SERPINC1: variants seen among roughly 807,000 people sequenced by gnomAD.
SERPINC1 encodes antithrombin-III.
SERPINC1 carries 12 observed loss-of-function variants against 43.4 expected under a neutral mutation model. The observed-to-expected ratio is 0.28, with a 90% CI of 0.18 to 0.45. The LOEUF is 0.45. SERPINC1 is among the 20% of genes least tolerant of loss of function. The pLI, the probability that SERPINC1 is intolerant of heterozygous loss-of-function variation, is 1.00. For missense variants in SERPINC1, 423 were observed against 578.8 expected (o/e 0.73, Z 2.76); for synonymous variants, 210 against 218.9 (o/e 0.96, Z 0.36).
At chr1:173,906,048 G>A (rs542383169) in intron 6 of SERPINC1, among the ~76,000 whole-genome samples, 2 of 152,002 alleles carry the variant, frequency 1.3e-5, no homozygotes, top group Admixed American at 6.6e-5. Context: ...CATTCTTTTC[G>A]ATTTCTTTGA....
Position 173,903,865 on chromosome 1 carries a change from A to G in SERPINC1, c.*24T>C. 1.2e-6 allele frequency: 2 copies of G among 1,607,642 alleles called. No individual in the cohort carries two copies. The highest frequency in any genetic ancestry group is 1.7e-6 in the Non-Finnish European group (2 of 1,174,168). On this transcript the variant is annotated 3_prime_UTR_variant, in exon 7 of 7. Transcript: ENST00000367698. ...TTCTGTTCACAAACCAAAAATAGGA[A>G]GAGGTGCAAAGAATAAGAACATTTT...
intron 3 of SERPINC1, 91 bp from the exon 4 acceptor site, chr1:173,910,982 C>G: frequency 7.0e-7 from 1 of 1,430,318 alleles, no homozygotes; most frequent in South Asian, 1.1e-5. Flanking sequence ...CTCACCATCC[C>G]TCTGTCCTTT....
intron 6 of SERPINC1, among the ~76,000 whole-genome samples, chr1:173,906,468 T>C (rs1230660608): frequency 6.6e-6 from 1 of 152,152 alleles, no homozygotes; most frequent in Non-Finnish European, 1.5e-5. Flanking sequence ...ACCTTTTCGT[T>C]TCCTCCAGTG....
At chr1:173,908,417 G>A (rs1269971722) in intron 5 of SERPINC1, among the ~76,000 whole-genome samples, 2 of 150,748 alleles carry the variant, frequency 1.3e-5, no homozygotes, top group African/African-American at 2.4e-5. Context: ...TTGAATCTGG[G>A]GGGTGGAGGT....
At chr1:173,917,121 C>A in intron 1 of SERPINC1, 98 bp downstream of exon 1, 2 of 1,006,852 alleles carry the variant, frequency 2.0e-6, no homozygotes, top group Admixed American at 3.7e-5. Flanking sequence ...AGGGAGAGGG[C>A]CTGGTCTTCT....
intron 4 of SERPINC1, among the ~76,000 whole-genome samples, chr1:173,910,394 C>T (rs764814397): frequency 3.9e-5 from 6 of 151,996 alleles, no homozygotes; most frequent in Non-Finnish European, 7.4e-5. Flanking sequence ...CTGGCTAACA[C>T]GGTGAAACCC....
At chr1:173,913,424 G>A (rs1052469534) in intron 2 of SERPINC1, among the ~76,000 whole-genome samples, 5 of 152,194 alleles carry the variant, frequency 3.3e-5, no homozygotes, top group African/African-American at 1.2e-4. Flanking sequence ...CCCAGAGCCA[G>A]AAAACACTCT....
Position 173,903,867 on chromosome 1 carries a change from A to G in SERPINC1, c.*22T>C. The G allele has an allele frequency of 1.2e-6, 2 of 1,608,108 alleles. No homozygotes were observed. Among genetic ancestry groups the G allele is most frequent in the Non-Finnish European group, 1.7e-6 (2 of 1,174,614 alleles). On this transcript the variant is annotated 3_prime_UTR_variant, in exon 7 of 7. Transcript: ENST00000367698. ...CTGTTCACAAACCAAAAATAGGAAG[A>G]GGTGCAAAGAATAAGAACATTTTAC...
chr1:173,906,263 T>G (rs2227612), intron 6 of SERPINC1, among the ~76,000 whole-genome samples: 17,199 of 152,264 alleles, frequency 0.11, 1,093 homozygotes, highest in East Asian at 0.24. Flanking sequence ...GTCCATAGTT[T>G]AGTGTTTACT....
Position 173,909,592 on chromosome 1 carries a change from G to T in SERPINC1, c.1113C>A (p.Gly371=), listed in dbSNP as rs1479495380. 9.9e-6 allele frequency: 16 copies of T among 1,613,906 alleles called. No homozygotes were observed. The highest frequency in any genetic ancestry group is 1.3e-5 in the African/African-American group (1 of 74,926). Residue 371 remains glycine, a synonymous_variant, in exon 5 of 7, where the codon GGC becomes GGA. Coordinates refer to ENST00000367698, the MANE Select transcript of SERPINC1 (RefSeq NM_000488.4). ...FSLKEQLQDM[G]LVDLFSPEKS... is the part of the protein sequence containing the mutation. ...TTTCAGGGCTGAACAGATCGACAAG[G>T]CCCATGTCTTGCAGCTGCTCCTTCA...
In SERPINC1 at chr1:173,916,477, C is replaced by T. The variant is rs1028811034; in HGVS notation, c.41+742G>A. ...GAGGTGCAAAGCCGGAGAGAAGCAG[C>T]GGCACCAAGGGAGATGTGGAAGGCA... is the stretch of plus-strand genomic sequence containing the variant. On this transcript the variant is annotated intron_variant, in intron 1 of 6. Coordinates refer to ENST00000367698, the MANE Select transcript of SERPINC1 (RefSeq NM_000488.4). Among the ~76,000 whole-genome samples, 7 of 152,310 alleles carry T rather than the reference C, an allele frequency of 4.6e-5. No homozygotes were observed. The South Asian group carries it at 1.0e-3, about 23-fold the overall frequency.
At chr1:173,915,114 G>A (rs2102790626) in intron 1 of SERPINC1, 195 bp from the exon 2 acceptor site, 1 of 1,446,540 alleles carries the variant, frequency 6.9e-7, no homozygotes, top group African/African-American at 1.4e-5. Context: ...CAGTTCAGTT[G>A]CCTGGACGTG....
At chr1:173,913,854 CAAAA>C (rs71707849) in intron 2 of SERPINC1, among the ~76,000 whole-genome samples, 1 of 90,266 alleles carries the variant, frequency 1.1e-5, no homozygotes. Flanking sequence ...GACTCCGTCT[CAAAA>C]AAAAAAAAAA....
At chr1:173,912,369 T>C (rs890505261) in intron 2 of SERPINC1, among the ~76,000 whole-genome samples, 1 of 152,096 alleles carries the variant, frequency 6.6e-6, no homozygotes, top group African/African-American at 2.4e-5. Flanking sequence ...AACAAACACT[T>C]TTGTGGCATC....
At chr1:173,914,504 C>T (rs1657903715) in intron 2 of SERPINC1, 49 bp downstream of exon 2, 1 of 1,612,238 alleles carries the variant, frequency 6.2e-7, no homozygotes, top group Non-Finnish European at 8.5e-7. Context: ...TATGGAAGCC[C>T]CAAAGGTGCT....
At chr1:173,914,026 C>T (rs529615516) in intron 2 of SERPINC1, among the ~76,000 whole-genome samples, 4 of 150,914 alleles carry the variant, frequency 2.7e-5, no homozygotes, top group East Asian at 3.9e-4. Context: ...TGGAGTGAGC[C>T]GAGACTGCAC....
Position 173,910,847 on chromosome 1 carries a change from G to T in SERPINC1, c.669C>A (p.Ser223=), listed in dbSNP as rs749583360. 11 of 1,613,902 alleles carry T rather than the reference G, an allele frequency of 6.8e-6. No individual in the cohort carries two copies. Among genetic ancestry groups the T allele is most frequent in the Non-Finnish European group, 9.3e-6 (11 of 1,179,944 alleles). The change falls in exon 4 of 7, where the codon TCC becomes TCA. Residue 223 remains serine, a synonymous_variant. Transcript: ENST00000367698. ...QSRAAINKWV[S]NKTEGRITDV... ...CGGTGATTCGGCCTTCGGTCTTATT[G>T]GACACCCATTTGTTGATGGCCGCTC...
chr1:173,912,455 A>G (rs574561325), intron 2 of SERPINC1, among the ~76,000 whole-genome samples: 1 of 152,292 alleles, frequency 6.6e-6, no homozygotes, highest in East Asian at 1.9e-4. Context: ...ATCTATCAGC[A>G]AGGGATTAAA....
At chr1:173,910,921 C>T in intron 3 of SERPINC1, 30 bp from the exon 4 acceptor site, 1 of 1,613,514 alleles carries the variant, frequency 6.2e-7, no homozygotes, top group Non-Finnish European at 8.5e-7. Context: ...AACCTACTCA[C>T]CTGTGCTATT....
Sources: gnomAD v4.1 joint callset for allele counts (sites outside exome capture counted in the v4.1 genomes callset) on GRCh38, gnomAD v4.1.1 for gene constraint, MANE v1.5 for transcripts, NCBI Gene and HGNC (gene_info 2026-07-23, HGNC 2026-07-21) for gene names.